Variants in NIBAN1 observed in about 807,000 individuals in gnomAD.
The protein encoded by NIBAN1 is protein Niban 1.
NIBAN1 carries 81 observed loss-of-function variants against 75.1 expected under a neutral mutation model. The ratio of observed to expected loss-of-function variants is 1.08; its 90% CI spans 0.90 to 1.30. NIBAN1 has a LOEUF of 1.30. Among genes scored for constraint, NIBAN1 ranks in the 50% most tolerant of loss-of-function variants. The probability of loss-of-function intolerance (pLI) is 0.00; values close to 1 mark genes in which losing one functional copy is unlikely to be tolerated. For synonymous variants in NIBAN1, 436 were observed against 424.8 expected, an observed-to-expected ratio of 1.03 and a Z score of -0.32; for missense variants, 1,133 against 1,128.1, an observed-to-expected ratio of 1.00 and a Z score of -0.06.
intron 1 of NIBAN1, among the ~76,000 whole-genome samples, chr1:184,903,325 C>T (rs897369746): frequency 6.6e-6 from 1 of 152,200 alleles, no homozygotes; most frequent in Non-Finnish European, 1.5e-5. Flanking sequence ...CCCTAAGCTG[C>T]TCATAACACC....
chr1:184,973,695 G>A lies in NIBAN1; in HGVS notation c.55+607C>T, dbSNP rs542803590. Among the ~76,000 whole-genome samples, 3 of 152,324 alleles carry A rather than the reference G, an allele frequency of 2.0e-5. No individual in the cohort carries two copies. The South Asian group carries it at 6.2e-4, about 32-fold the overall frequency. On this transcript the variant is annotated intron_variant, in intron 1 of 13. Transcript: ENST00000367511. ...GTTTCTCCCCATCTGTAACTTTCGG[G>A]CAGTTACAAAGCACGCCAGTGTTCC...
intron 1 of NIBAN1, among the ~76,000 whole-genome samples, chr1:184,910,476 A>T (rs80000641): frequency 0.057 from 8,648 of 152,218 alleles, 283 homozygotes; most frequent in Middle Eastern, 0.085. Context: ...TACAAAAAAA[A>T]CTTTTTTAAA....
chr1:184,868,226 T>A, intron 5 of NIBAN1: 1 of 207,344 alleles, frequency 4.8e-6, no homozygotes, highest in Non-Finnish European at 8.4e-6. Context: ...GCAATATGAT[T>A]TGTGGTCTCC....
intron 1 of NIBAN1, among the ~76,000 whole-genome samples, chr1:184,918,749 A>G (rs1020238720): frequency 2.6e-5 from 4 of 152,200 alleles, no homozygotes; most frequent in Non-Finnish European, 5.9e-5. Context: ...TCTACACCAT[A>G]ATGTAATATA....
intron 2 of NIBAN1, among the ~76,000 whole-genome samples, chr1:184,897,277 AGT>A (rs34548568): frequency 0.39 from 51,711 of 132,184 alleles, 9,090 homozygotes; most frequent in East Asian, 0.58. Flanking sequence ...TGTACTCCTA[AGT>A]GTGTGTGTGT....
intron 7 of NIBAN1, 91 bp from the exon 8 acceptor site, chr1:184,823,420 T>C: frequency 6.7e-7 from 1 of 1,496,558 alleles, no homozygotes; most frequent in Non-Finnish European, 9.1e-7. Flanking sequence ...TCACAGGCCA[T>C]CATAACAAAC....
intron 1 of NIBAN1, among the ~76,000 whole-genome samples, chr1:184,923,551 T>C (rs973292135): frequency 1.3e-5 from 2 of 152,226 alleles, no homozygotes; most frequent in African/African-American, 4.8e-5. Flanking sequence ...ATCCTGGGTC[T>C]TTTGTGGTTC....
chr1:184,970,430 G>A (rs992258156), intron 1 of NIBAN1, among the ~76,000 whole-genome samples: 1 of 152,154 alleles, frequency 6.6e-6, no homozygotes, highest in African/African-American at 2.4e-5. Context: ...GACTACAGAT[G>A]TGTACAGCTC....
At chr1:184,950,820 C>G (rs2102063498) in intron 1 of NIBAN1, among the ~76,000 whole-genome samples, 1 of 152,346 alleles carries the variant, frequency 6.6e-6, no homozygotes. Context: ...CATGACAGTT[C>G]TTACCGCTCC....
intron 1 of NIBAN1, among the ~76,000 whole-genome samples, chr1:184,963,973 T>C (rs552208847): frequency 6.6e-6 from 1 of 152,212 alleles, no homozygotes; most frequent in East Asian, 1.9e-4. Flanking sequence ...CCTTTGGTTA[T>C]TAAGATTTAT....
rs568447149 is a variant in NIBAN1, at chr1:184,873,409, C to T, written c.601+11224G>A. On this transcript the variant is annotated intron_variant, in intron 5 of 13. Transcript: ENST00000367511. ...TGAGCCAAAGGCAATTGAGAAACAA[C>T]AGATGCAAGAAGAGCTCCCCGCCCT... is the stretch of plus-strand genomic sequence containing the variant. Among the ~76,000 whole-genome samples, 79 of 152,316 alleles carry T rather than the reference C, an allele frequency of 5.2e-4. No homozygotes were observed. The South Asian group carries it at 0.016, about 32-fold the overall frequency.
chr1:184,830,194 T>C (rs1284698647), intron 6 of NIBAN1, among the ~76,000 whole-genome samples: 1 of 152,230 alleles, frequency 6.6e-6, no homozygotes, highest in Non-Finnish European at 1.5e-5. Context: ...TCTCATAAGA[T>C]TGGCAAGACA....
intron 1 of NIBAN1, among the ~76,000 whole-genome samples, chr1:184,920,846 A>G (rs915004993): frequency 2.0e-5 from 3 of 152,168 alleles, no homozygotes; most frequent in African/African-American, 7.2e-5. Context: ...TTAAAAATAT[A>G]TTTGTAGGCA....
chr1:184,834,366 A>G (rs937513129), intron 5 of NIBAN1, among the ~76,000 whole-genome samples: 1 of 152,204 alleles, frequency 6.6e-6, no homozygotes, highest in Non-Finnish European at 1.5e-5. Flanking sequence ...TCCTTTGGGT[A>G]TATACCCAGT....
chr1:184,791,147 C>T lies in NIBAN1; in HGVS notation c.*3830G>A, dbSNP rs912167028. ...GACCGGGAAAGTCAATCCACAGTGT[C>T]GATTTTTTTTCTTGAAGTTGCAGAC... On this transcript the variant is annotated 3_prime_UTR_variant, in exon 14 of 14. Transcript: ENST00000367511. 18 of 428,168 alleles carry T rather than the reference C, an allele frequency of 4.2e-5. No individual in the cohort carries two copies. The highest frequency in any genetic ancestry group is 2.9e-4 in the African/African-American group (14 of 48,306). The allele number at this position is 428,168 out of a possible 1,614,324, so 26.5% of individuals were successfully genotyped here. A position where few individuals can be genotyped will look rare whatever the true frequency, so the allele number is the denominator to read the frequency against.
chr1:184,799,226 T>A lies in NIBAN1; in HGVS notation c.1555-1036A>T, dbSNP rs540946445. On this transcript the variant is annotated intron_variant, in intron 12 of 13. Transcript: ENST00000367511. ...CCCCACAACAGTCCCCAGAGTGTGA[T>A]GTTCCCCTTCCTGTGTCCATGTGTT... Among the ~76,000 whole-genome samples the A allele has an allele frequency of 4.3e-4, 65 of 151,354 alleles. 1 individual carries two copies. In the South Asian group the frequency reaches 4.4e-3, roughly 10 times the overall value.
In NIBAN1 at chr1:184,882,125, T is replaced by C. The variant is rs1230245760; in HGVS notation, c.601+2508A>G. Among the ~76,000 whole-genome samples the C allele has an allele frequency of 2.6e-5, 4 of 152,154 alleles. No individual in the cohort carries two copies. The South Asian group carries it at 6.2e-4, about 24-fold the overall frequency. On this transcript the variant is annotated intron_variant, in intron 5 of 13. Transcript: ENST00000367511. ...GGCTGACAGCCCTTCCTCATCTGCATGCGGGTAGAGGATAGCAGGCTCCCA... is the reference window on the plus strand; with the variant it reads ...GGCTGACAGCCCTTCCTCATCTGCACGCGGGTAGAGGATAGCAGGCTCCCA...
At chr1:184,968,442 T>C (rs571777145) in intron 1 of NIBAN1, among the ~76,000 whole-genome samples, 7 of 152,332 alleles carry the variant, frequency 4.6e-5, no homozygotes, top group African/African-American at 1.7e-4. Flanking sequence ...AAGGCATTTT[T>C]TTTCACTTAA....
In NIBAN1 at chr1:184,969,044, A is replaced by T. The variant is rs1658869735; in HGVS notation, c.55+5258T>A. On this transcript the variant is annotated intron_variant, in intron 1 of 13. Coordinates refer to ENST00000367511, the MANE Select transcript of NIBAN1 (RefSeq NM_052966.4). ...CTTCCCCTTTAATGTCACTTTCTAG[A>T]ACAGCACTTCTATCTACATCCCATT... Among the ~76,000 whole-genome samples the T allele has an allele frequency of 2.0e-5, 3 of 152,222 alleles. No individual in the cohort carries two copies. In the South Asian group the frequency reaches 6.2e-4, roughly 31 times the overall value.
Sources: allele counts gnomAD v4.1 joint callset (sites outside exome capture counted in the v4.1 genomes callset), GRCh38; gene constraint gnomAD v4.1.1; transcripts MANE v1.5; gene names NCBI Gene and HGNC (gene_info 2026-07-23, HGNC 2026-07-21).